Variants in GRIA4 observed in about 807,000 individuals in gnomAD.
The protein encoded by GRIA4 is glutamate ionotropic receptor AMPA type subunit 4.
A neutral mutation model predicts 104.0 loss-of-function variants in GRIA4; 34 were observed. The ratio of observed to expected loss-of-function variants is 0.33; its 90% CI spans 0.25 to 0.44. The LOEUF (loss-of-function observed/expected upper bound fraction) is 0.44, where lower values mean the gene tolerates loss of function less well. Among genes scored for constraint, GRIA4 ranks in the 20% least tolerant of loss-of-function variants. The pLI, the probability that GRIA4 is intolerant of heterozygous loss-of-function variation, is 1.00. For synonymous variants in GRIA4, 386 were observed against 381.9 expected (o/e 1.01, Z -0.13); for missense variants, 750 against 1,096.5 (o/e 0.68, Z 4.46).
chr11:105,920,022 T>C (rs1947515521), intron 11 of GRIA4, among the ~76,000 whole-genome samples: 1 of 152,112 alleles, frequency 6.6e-6, no homozygotes, highest in Non-Finnish European at 1.5e-5. Context: ...CAAAACTGCC[T>C]TCTGATAAAA....
chr11:105,744,596 A>G (rs977897907), intron 3 of GRIA4, among the ~76,000 whole-genome samples: 1 of 152,082 alleles, frequency 6.6e-6, no homozygotes, highest in Admixed American at 6.6e-5. Flanking sequence ...TCAATTGGGG[A>G]AAAAATGTAG....
At chr11:105,843,923 G>T (rs192162814) in intron 4 of GRIA4, among the ~76,000 whole-genome samples, 1 of 152,240 alleles carries the variant, frequency 6.6e-6, no homozygotes, top group Admixed American at 6.5e-5. Flanking sequence ...CCAGCTCTCA[G>T]TTACAAAAAG....
intron 3 of GRIA4, among the ~76,000 whole-genome samples, chr11:105,714,106 A>T (rs946554738): frequency 2.6e-5 from 4 of 152,172 alleles, no homozygotes; most frequent in Admixed American, 1.3e-4. Flanking sequence ...TTCCACATTT[A>T]TATTTATGGA....
intron 4 of GRIA4, among the ~76,000 whole-genome samples, chr11:105,788,981 G>T (rs1304611308): frequency 6.6e-6 from 1 of 152,102 alleles, no homozygotes; most frequent in Non-Finnish European, 1.5e-5. Flanking sequence ...TTAAGCCACA[G>T]GGAATTAGGA....
At chr11:105,686,600 T>C (rs1013591330) in intron 3 of GRIA4, among the ~76,000 whole-genome samples, 1 of 152,212 alleles carries the variant, frequency 6.6e-6, no homozygotes, top group African/African-American at 2.4e-5. Context: ...AGCAATGAGA[T>C]TGCTAAGTCT....
In GRIA4 at chr11:105,691,570, C is replaced by T. The variant is rs566261652; in HGVS notation, c.248-61411C>T. ...AATAAGATAACAATAGTACTTACCT[C>T]ATAAGATTATTTTGATGAGTAAATA... On this transcript the variant is annotated intron_variant, in intron 3 of 16. Transcript: ENST00000282499. Among the ~76,000 whole-genome samples the T allele has an allele frequency of 2.0e-5, 3 of 152,228 alleles. No homozygotes were observed. In the East Asian group the frequency reaches 5.8e-4, roughly 29 times the overall value.
intron 10 of GRIA4, among the ~76,000 whole-genome samples, chr11:105,916,745 T>C (rs1021057975): frequency 6.6e-6 from 1 of 152,184 alleles, no homozygotes; most frequent in African/African-American, 2.4e-5. Context: ...GTACAAAAAT[T>C]CATGTGTTCA....
In GRIA4 at chr11:105,980,612, T is replaced by A. The variant is rs940705676; in HGVS notation, c.*873T>A. The A allele has an allele frequency of 1.0e-4, 15 of 150,408 alleles. No homozygotes were observed. Among genetic ancestry groups the A allele is most frequent in the African/African-American group, 3.2e-4 (13 of 40,636 alleles). The allele number at this position is 150,408 out of a possible 1,614,324, so 9.3% of individuals were successfully genotyped here. ...GTGTAGACTCGAAAGAGATGACAGG[T>A]CACTCATGTTAATGGTATTATTTAT... is the stretch of plus-strand genomic sequence containing the variant. On this transcript the variant is annotated 3_prime_UTR_variant, in exon 17 of 17. Coordinates refer to ENST00000282499, the MANE Select transcript of GRIA4 (RefSeq NM_000829.4).
rs1203304460 is a variant in GRIA4 at position 105,610,902 on chromosome 11, T to C, written c.-90-6T>C. The C allele has an allele frequency of 1.9e-6, 1 of 521,734 alleles. No homozygotes were observed. The highest frequency in any genetic ancestry group is 3.4e-6 in the Non-Finnish European group (1 of 297,506). 32.3% of individuals were successfully genotyped at this position (521,734 alleles called of 1,614,324 possible). A position where few individuals can be genotyped will look rare whatever the true frequency, so the allele number is the denominator to read the frequency against. On this transcript the variant is annotated splice_region_variant and splice_polypyrimidine_tract_variant and intron_variant, in intron 1 of 16. Coordinates refer to ENST00000282499, the MANE Select transcript of GRIA4 (RefSeq NM_000829.4). ...TTTTTTTTTTTTTGGTTGATTTTAA[T>C]TTTAGCGCCATCGTCTTCAATGCTT... is the stretch of plus-strand genomic sequence containing the variant.
At chr11:105,791,830 C>A (rs1340588365) in intron 4 of GRIA4, among the ~76,000 whole-genome samples, 1 of 152,134 alleles carries the variant, frequency 6.6e-6, no homozygotes, top group Non-Finnish European at 1.5e-5. Context: ...AAGTGAATTA[C>A]ACGTGGGCAA....
intron 3 of GRIA4, among the ~76,000 whole-genome samples, chr11:105,752,130 A>C (rs762376351): frequency 7.2e-5 from 11 of 152,150 alleles, no homozygotes; most frequent in Non-Finnish European, 1.5e-4. Flanking sequence ...GTGATTGAAA[A>C]AGAATTTTGA....
At chr11:105,673,674 C>T (rs186802348) in intron 3 of GRIA4, among the ~76,000 whole-genome samples, 5 of 152,060 alleles carry the variant, frequency 3.3e-5, no homozygotes, top group Admixed American at 1.3e-4. Context: ...TTACTGCTCT[C>T]ATTTTTTCCC....
intron 4 of GRIA4, among the ~76,000 whole-genome samples, chr11:105,848,014 C>T (rs1011273300): frequency 6.6e-6 from 1 of 152,178 alleles, no homozygotes; most frequent in African/African-American, 2.4e-5. Context: ...TGGATAATGT[C>T]TTCCAAAAAT....
intron 14 of GRIA4, among the ~76,000 whole-genome samples, chr11:105,966,950 G>A (rs1306468820): frequency 3.3e-5 from 5 of 152,098 alleles, no homozygotes; most frequent in Admixed American, 3.3e-4. Context: ...TCTAGGCACT[G>A]TCTTAAGGAG....
intron 3 of GRIA4, among the ~76,000 whole-genome samples, chr11:105,621,279 T>C (rs1950738616): frequency 6.6e-6 from 1 of 151,702 alleles, no homozygotes; most frequent in Admixed American, 6.6e-5. Context: ...CACATACTTG[T>C]AAAAATTTCA....
At chr11:105,905,328 G>T (rs753465649) in intron 9 of GRIA4, 27 bp downstream of exon 9, 1 of 1,193,254 alleles carries the variant, frequency 8.4e-7, no homozygotes, top group Admixed American at 1.7e-5. Flanking sequence ...CTGAAAAACA[G>T]AATTCTCTGT....
In GRIA4 at chr11:105,980,039, C is replaced by CA. The variant is rs1859195827; in HGVS notation, c.*305dup. 1 of 280,732 alleles carries CA rather than the reference C, an allele frequency of 3.6e-6. No homozygotes were observed. Among genetic ancestry groups the CA allele is most frequent in the Non-Finnish European group, 6.9e-6 (1 of 145,348 alleles). The allele number at this position is 280,732 out of a possible 1,614,324, so 17.4% of individuals were successfully genotyped here. A position where few individuals can be genotyped will look rare whatever the true frequency, so the allele number is the denominator to read the frequency against. On this transcript the variant is annotated 3_prime_UTR_variant, in exon 17 of 17. Transcript: ENST00000282499. ...GCAACAAATTTCATTCGAGTGGACTCAAAAACTAATCAGACTTATGAGTTA... is the reference window on the plus strand; with the variant it reads ...GCAACAAATTTCATTCGAGTGGACTCAAAAAACTAATCAGACTTATGAGTTA...
At chr11:105,681,866 A>AC (rs956099409) in intron 3 of GRIA4, among the ~76,000 whole-genome samples, 1 of 152,006 alleles carries the variant, frequency 6.6e-6, no homozygotes, top group Non-Finnish European at 1.5e-5. Flanking sequence ...ACATGGTGAA[A>AC]CCCCATCTCT....
chr11:105,617,790 A>G lies in GRIA4; in HGVS notation c.247+5356A>G, dbSNP rs145512923. On this transcript the variant is annotated intron_variant, in intron 3 of 16. Transcript: ENST00000282499. Reference sequence around the variant, plus strand: ...CTAGCAGCTGGCAACACAAAAACTTATAAGAGTAGTTGCTGACCTTAAGGA... The same window carrying G: ...CTAGCAGCTGGCAACACAAAAACTTGTAAGAGTAGTTGCTGACCTTAAGGA... 3.2e-3 allele frequency among the ~76,000 whole-genome samples: 493 copies of G among 152,170 alleles called. 4 individuals are homozygous for G. Among genetic ancestry groups the G allele is most frequent in the African/African-American group, 0.011 (442 of 41,536 alleles).
Sources: gnomAD v4.1 joint callset for allele counts (sites outside exome capture counted in the v4.1 genomes callset) on GRCh38, gnomAD v4.1.1 for gene constraint, MANE v1.5 for transcripts, NCBI Gene and HGNC (gene_info 2026-07-23, HGNC 2026-07-21) for gene names.